Variants in RAB3IP observed in about 807,000 individuals in gnomAD.
RAB3IP encodes the protein rab-3A-interacting protein.
RAB3IP carries 36 observed loss-of-function variants against 59.1 expected under a neutral mutation model. The observed-to-expected ratio is 0.61, with a 90% CI of 0.47 to 0.80. The LOEUF (loss-of-function observed/expected upper bound fraction) is 0.80. RAB3IP is among the 30% of genes least tolerant of loss of function. RAB3IP has a pLI of 0.00. For synonymous variants in RAB3IP, 207 were observed against 191.2 expected (o/e 1.08, Z -0.68); for missense variants, 511 against 536.0 (o/e 0.95, Z 0.46).
At chr12:69,750,638 C>T (rs1184540219) in intron 1 of RAB3IP, among the ~76,000 whole-genome samples, 2 of 149,420 alleles carry the variant, frequency 1.3e-5, no homozygotes, top group East Asian at 2.0e-4. Flanking sequence ...TGTTTTTGTC[C>T]CTGTGGTGTT....
At chr12:69,807,858 C>T (rs1204923354) in intron 8 of RAB3IP, among the ~76,000 whole-genome samples, 1 of 148,668 alleles carries the variant, frequency 6.7e-6, no homozygotes, top group Non-Finnish European at 1.5e-5. Flanking sequence ...CGCTCCTCAC[C>T]TCCCAGACGG....
At position 69,820,556 on chromosome 12, in the gene RAB3IP, A is replaced by G. The variant is rs1881600691; in HGVS notation, c.*5110A>G. ...GAGTGGCTTCCCATTGCACTTAGAAAAAAAAAAAAAAAAAAAAACTGGCCA... is the reference window on the plus strand; with the variant it reads ...GAGTGGCTTCCCATTGCACTTAGAAGAAAAAAAAAAAAAAAAAACTGGCCA... On this transcript the variant is annotated 3_prime_UTR_variant, in exon 11 of 11. Transcript: ENST00000247833. 5 of 144,348 alleles carry G rather than the reference A, an allele frequency of 3.5e-5. No individual in the cohort carries two copies. Among genetic ancestry groups the G allele is most frequent in the Middle Eastern group, 3.4e-3 (1 of 290 alleles). 8.9% of individuals were successfully genotyped at this position (144,348 alleles called of 1,614,324 possible). A position where few individuals can be genotyped will look rare whatever the true frequency, so the allele number is the denominator to read the frequency against.
intron 1 of RAB3IP, among the ~76,000 whole-genome samples, chr12:69,754,763 A>T (rs1158771035): frequency 1.3e-5 from 2 of 152,202 alleles, no homozygotes; most frequent in East Asian, 3.8e-4. Flanking sequence ...TGTTAAAAAA[A>T]TTGTTTTAAG....
At chr12:69,759,319 C>A (rs1273703502) in intron 3 of RAB3IP, among the ~76,000 whole-genome samples, 2 of 151,922 alleles carry the variant, frequency 1.3e-5, no homozygotes, top group Middle Eastern at 3.4e-3. Context: ...CATAGATCAA[C>A]AGCATCCCAA....
chr12:69,792,194 G>A (rs552482039), intron 4 of RAB3IP, among the ~76,000 whole-genome samples: 1 of 152,262 alleles, frequency 6.6e-6, no homozygotes, highest in Non-Finnish European at 1.5e-5. Context: ...GGTACAAAGT[G>A]TCAGTTATGC....
intron 3 of RAB3IP, among the ~76,000 whole-genome samples, chr12:69,782,027 T>C (rs1592542120): frequency 1.3e-5 from 2 of 152,234 alleles, no homozygotes; most frequent in African/African-American, 4.8e-5. Flanking sequence ...ACATTCTCTT[T>C]AGCATTTGAT....
intron 1 of RAB3IP, among the ~76,000 whole-genome samples, chr12:69,749,945 A>G (rs1198018809): frequency 6.6e-6 from 1 of 152,208 alleles, no homozygotes; most frequent in Non-Finnish European, 1.5e-5. Flanking sequence ...TGGCTGAAAT[A>G]CTGTGTTTAT....
rs1342432596 is a variant in RAB3IP at position 69,795,353 on chromosome 12, T to C, written c.888+9T>C. ...TAAAAGACTGCAAAGAGGTAACTCA[T>C]CAAGGACTGTCCCCTCTGACTCTGT... On this transcript the variant is annotated intron_variant, in intron 6 of 10. Coordinates refer to ENST00000247833, the MANE Select transcript of RAB3IP (RefSeq NM_022456.5). 2 of 1,600,976 alleles carry C rather than the reference T, an allele frequency of 1.2e-6. No individual in the cohort carries two copies. The highest frequency in any genetic ancestry group is 8.6e-7 in the Non-Finnish European group (1 of 1,168,610).
rs1470464360 is a variant in RAB3IP at position 69,822,606 on chromosome 12, TTTGG to T, written c.*7162_*7165del. The T allele has an allele frequency of 6.6e-6, 1 of 152,122 alleles. No homozygotes were observed. The highest frequency in any genetic ancestry group is 1.5e-5 in the Non-Finnish European group (1 of 68,018). The allele number at this position is 152,122 out of a possible 1,614,324, so 9.4% of individuals were successfully genotyped here. A position where few individuals can be genotyped will look rare whatever the true frequency, so the allele number is the denominator to read the frequency against. ...TCTATAGAAGGAATATGATCTGTTG[TTTGG>T]TAGCACAATAGGGTAAATACAGTTA... On this transcript the variant is annotated 3_prime_UTR_variant, in exon 11 of 11. Coordinates refer to ENST00000247833, the MANE Select transcript of RAB3IP (RefSeq NM_022456.5).
At chr12:69,798,142 A>C (rs963125367) in intron 6 of RAB3IP, among the ~76,000 whole-genome samples, 1 of 152,220 alleles carries the variant, frequency 6.6e-6, no homozygotes, top group African/African-American at 2.4e-5. Flanking sequence ...TCCCACCAAC[A>C]GTGTAAAAGT....
Position 69,756,539 on chromosome 12 carries a change from A to G in RAB3IP, c.386A>G (p.Asp129Gly), listed in dbSNP as rs1870253283. The G allele has an allele frequency of 1.2e-6, 2 of 1,614,178 alleles. No individual in the cohort carries two copies. Among genetic ancestry groups the G allele is most frequent in the South Asian group, 2.2e-5 (2 of 91,086 alleles). Residue 129 changes from aspartate to glycine, a missense_variant, in exon 3 of 11, where the codon GAT (aspartate) becomes GGT (glycine). Physicochemically the swap from Asp to Gly is moderately conservative, Grantham distance 94. Coordinates refer to ENST00000247833, the MANE Select transcript of RAB3IP (RefSeq NM_022456.5). ...GGTGCTACTATAACAGAGGCTTGCGATGGCAGTGATGATATTTTTGGGTTG... is the reference window on the plus strand; with the variant it reads ...GGTGCTACTATAACAGAGGCTTGCGGTGGCAGTGATGATATTTTTGGGTTG... ...LQGATITEAC[D>G]GSDDIFGLST...
At chr12:69,802,608 A>G (rs1411171717) in intron 8 of RAB3IP, among the ~76,000 whole-genome samples, 2 of 152,208 alleles carry the variant, frequency 1.3e-5, no homozygotes, top group Non-Finnish European at 1.5e-5. Flanking sequence ...GCTTAGAGCC[A>G]GATCAATATA....
At chr12:69,809,431 A>G (rs1429148384) in intron 8 of RAB3IP, among the ~76,000 whole-genome samples, 1 of 152,106 alleles carries the variant, frequency 6.6e-6, no homozygotes, top group Non-Finnish European at 1.5e-5. Context: ...TATTTCCTGA[A>G]TTTGAATGTT....
intron 1 of RAB3IP, among the ~76,000 whole-genome samples, chr12:69,741,797 TA>T (rs1887371633): frequency 6.6e-6 from 1 of 152,252 alleles, no homozygotes; most frequent in Admixed American, 6.5e-5. Context: ...TCTTCATGTA[TA>T]AGTGGTAATG....
chr12:69,791,581 AATC>A (rs2136222312), intron 4 of RAB3IP, among the ~76,000 whole-genome samples: 1 of 152,302 alleles, frequency 6.6e-6, no homozygotes, highest in South Asian at 2.1e-4. Context: ...CAGCATCAGT[AATC>A]ATCAGGTAAA....
chr12:69,788,199 C>G (rs995280483), intron 4 of RAB3IP, among the ~76,000 whole-genome samples: 2 of 152,156 alleles, frequency 1.3e-5, no homozygotes, highest in East Asian at 1.9e-4. Flanking sequence ...ACATCTTTCC[C>G]TATTTTAAAT....
rs1881396321 is a variant in RAB3IP, at chr12:69,818,709, C to T, written c.*3263C>T. ...TGAGAAAACTATATGTGACATGATACTTTTCTTATAAAAGTCAAGAACAAC... is the reference window on the plus strand; with the variant it reads ...TGAGAAAACTATATGTGACATGATATTTTTCTTATAAAAGTCAAGAACAAC... On this transcript the variant is annotated 3_prime_UTR_variant, in exon 11 of 11. Transcript: ENST00000247833. 6.6e-6 allele frequency: 1 copy of T among 152,166 alleles called. No individual in the cohort carries two copies. The highest frequency in any genetic ancestry group is 2.4e-5 in the African/African-American group (1 of 41,438). The allele number at this position is 152,166 out of a possible 1,614,324, so 9.4% of individuals were successfully genotyped here.
chr12:69,761,303 T>A (rs375250716), intron 3 of RAB3IP, among the ~76,000 whole-genome samples: 41 of 152,342 alleles, frequency 2.7e-4, no homozygotes, highest in East Asian at 1.9e-3. Flanking sequence ...GTTTAATAAA[T>A]GTTTTGTTTC....
At chr12:69,812,664 A>C in intron 8 of RAB3IP, 114 bp from the exon 9 acceptor site, 1 of 687,600 alleles carries the variant, frequency 1.5e-6, no homozygotes, top group Non-Finnish European at 2.5e-6. Flanking sequence ...GGTGCCTGGT[A>C]CACAGTAGGT....
Sources: allele counts gnomAD v4.1 joint callset (sites outside exome capture counted in the v4.1 genomes callset), GRCh38; gene constraint gnomAD v4.1.1; transcripts MANE v1.5; gene names NCBI Gene and HGNC (gene_info 2026-07-23, HGNC 2026-07-21).